Variants in PTPRH observed in about 807,000 individuals in gnomAD.
The protein encoded by PTPRH is receptor-type tyrosine-protein phosphatase H.
Under a neutral mutation model 130.2 loss-of-function variants are expected in PTPRH, and 113 were observed. The observed-to-expected ratio is 0.87, with a 90% CI of 0.75 to 1.01. The LOEUF (loss-of-function observed/expected upper bound fraction) is 1.01. PTPRH is among the 50% of genes least tolerant of loss of function. The pLI, the probability that PTPRH is intolerant of heterozygous loss-of-function variation, is 0.00. For missense variants in PTPRH, 1,430 were observed against 1,425.0 expected (o/e 1.00, Z -0.06); for synonymous variants, 556 against 577.9 (o/e 0.96, Z 0.54).
At chr19:55,191,393 C>CCACAATGCA (rs931321762) in intron 12 of PTPRH, 108 bp downstream of exon 12, 7 of 1,333,226 alleles carry the variant, frequency 5.3e-6, no homozygotes, top group Middle Eastern at 2.6e-4. Flanking sequence ...CTTCTGAGAC[C>CCACAATGCA]TTTGTGGGTA....
intron 12 of PTPRH, among the ~76,000 whole-genome samples, chr19:55,190,902 C>T (rs963038151): frequency 5.3e-5 from 8 of 151,918 alleles, no homozygotes; most frequent in African/African-American, 1.7e-4. Context: ...AGTGCAGTGG[C>T]GTGATCTCAA....
chr19:55,201,922 T>C, intron 6 of PTPRH, 134 bp downstream of exon 6: 1 of 1,369,614 alleles, frequency 7.3e-7, no homozygotes, highest in South Asian at 1.4e-5. Context: ...GAGCTGAGAC[T>C]GCCCCAGGAT....
Position 55,187,562 on chromosome 19 carries a change from A to G in PTPRH, c.2517T>C (p.Ala839=), listed in dbSNP as rs1363718944. The change falls in exon 14 of 20, where the codon GCT becomes GCC. Residue 839 remains alanine (A), a synonymous_variant. Coordinates refer to ENST00000376350, the MANE Select transcript of PTPRH (RefSeq NM_002842.5). The part of the protein sequence containing the change: ...LVGHSQSQMV[A]SASENNAKNR... Reference sequence around the variant, plus strand: ...TCTTGGCGTTGTTCTCTGAAGCCGAAGCCACCATCTGAGACTGGCTGTGGC... The same window carrying G: ...TCTTGGCGTTGTTCTCTGAAGCCGAGGCCACCATCTGAGACTGGCTGTGGC... 1 of 1,613,300 alleles carries G rather than the reference A, an allele frequency of 6.2e-7. No individual in the cohort carries two copies. Among genetic ancestry groups the G allele is most frequent in the Admixed American group, 1.7e-5 (1 of 59,960 alleles).
intron 7 of PTPRH, 69 bp from the exon 8 acceptor site, chr19:55,198,981 G>T: frequency 7.3e-7 from 1 of 1,371,068 alleles, no homozygotes; most frequent in Admixed American, 2.9e-5. Flanking sequence ...ACAGTGATAC[G>T]CCCTGTCCTT....
intron 5 of PTPRH, among the ~76,000 whole-genome samples, chr19:55,203,033 CAA>C (rs75261116): frequency 2.4e-5 from 3 of 122,478 alleles, no homozygotes; most frequent in Admixed American, 8.8e-5. Context: ...GACTCTGTCC[CAA>C]AAAAAAAAAA....
intron 6 of PTPRH, 138 bp downstream of exon 6, chr19:55,201,918 A>G: frequency 3.0e-6 from 4 of 1,348,136 alleles, no homozygotes; most frequent in Non-Finnish European, 4.1e-6. Context: ...TCCTGAGCTG[A>G]GACTGCCCCA....
chr19:55,200,159 C>T (rs956906865), intron 7 of PTPRH, 77 bp downstream of exon 7: 1 of 1,526,648 alleles, frequency 6.6e-7, no homozygotes, highest in African/African-American at 1.4e-5. Flanking sequence ...GAGCCAGAGC[C>T]CAGAAGAGGT....
chr19:55,197,405 C>A lies in PTPRH; in HGVS notation c.1702G>T (p.Val568Phe). 3 of 1,612,116 alleles carry A rather than the reference C, an allele frequency of 1.9e-6. No individual in the cohort carries two copies. Among genetic ancestry groups the A allele is most frequent in the East Asian group, 2.2e-5 (1 of 44,816 alleles). Residue 568 changes from valine to phenylalanine, a missense_variant, in exon 9 of 20, where the codon GTC becomes TTC. Val to Phe is a conservative substitution (Grantham distance 50). Transcript: ENST00000376350. ...TGAGTTTCATTCTGGAGATCTGTGA[C>A]CTCATTGGGAGCTGAGAAGTGAGAA... ...TLTAATAPNE[V>F]TDLQNETQTK...
rs918126034 is a variant in PTPRH at position 55,200,493 on chromosome 19, G to A, written c.1163C>T (p.Pro388Leu). ...AGTCTCCATATGGAGGTTTCTCACT[G>A]GGTTGGGGGCTGAGAAAGTAGGAAG... ...ETRNATTAPNPVRNLHMETQT... is the reference protein window; with the variant it reads ...ETRNATTAPNLVRNLHMETQT... Residue 388 changes from proline to leucine, a missense_variant, in exon 7 of 20, where the codon CCA becomes CTA. By Grantham distance (98) the Pro-to-Leu change is moderately conservative. Transcript: ENST00000376350. 2 of 1,613,978 alleles carry A rather than the reference G, an allele frequency of 1.2e-6. No homozygotes were observed. The highest frequency in any genetic ancestry group is 2.7e-5 in the African/African-American group (2 of 74,928).
chr19:55,184,027 G>A (rs1220192850), intron 18 of PTPRH, among the ~76,000 whole-genome samples: 2 of 152,156 alleles, frequency 1.3e-5, no homozygotes, highest in Non-Finnish European at 2.9e-5. Context: ...GTTCACGCCT[G>A]TAATCCCAGC....
At chr19:55,185,057 C>G (rs554260109) in intron 18 of PTPRH, among the ~76,000 whole-genome samples, 1 of 151,116 alleles carries the variant, frequency 6.6e-6, no homozygotes, top group African/African-American at 2.4e-5. Context: ...TGCAGTGGTG[C>G]GACCTCAGCT....
rs755837998 is a variant in PTPRH, at chr19:55,186,456, G to A, written c.2643+8C>T. Reference sequence around the variant, plus strand: ...TGGGCACCCTTTCAATCCCAACCACGACCTTACGGGCATGAAGCTGGCATT... The same window carrying A: ...TGGGCACCCTTTCAATCCCAACCACAACCTTACGGGCATGAAGCTGGCATT... On this transcript the variant is annotated splice_region_variant and intron_variant, in intron 15 of 19. Transcript: ENST00000376350. The A allele has an allele frequency of 4.3e-6, 7 of 1,612,330 alleles. No homozygotes were observed. Among genetic ancestry groups the A allele is most frequent in the East Asian group, 4.5e-5 (2 of 44,772 alleles).
At chr19:55,188,299 G>A (rs1161390847) in intron 12 of PTPRH, 131 bp from the exon 13 acceptor site, 17 of 681,584 alleles carry the variant, frequency 2.5e-5, no homozygotes, top group Non-Finnish European at 4.5e-5. Flanking sequence ...GATCACCTGA[G>A]GTCAGGAGTT....
chr19:55,196,899 A>G, intron 9 of PTPRH, 111 bp from the exon 10 acceptor site: 1 of 1,361,318 alleles, frequency 7.3e-7, no homozygotes. Flanking sequence ...GCCAAATCCA[A>G]ACTACCTCAT....
intron 4 of PTPRH, 69 bp from the exon 5 acceptor site, chr19:55,204,117 T>C: frequency 6.8e-7 from 1 of 1,462,952 alleles, no homozygotes; most frequent in Non-Finnish European, 9.2e-7. Flanking sequence ...GCCAGTGAGC[T>C]TTTTGTTTGT....
intron 17 of PTPRH, 40 bp downstream of exon 17, chr19:55,185,822 G>C: frequency 6.2e-7 from 1 of 1,613,836 alleles, no homozygotes; most frequent in Non-Finnish European, 8.5e-7. Flanking sequence ...ATATGTCACA[G>C]GGGAAGGCTG....
chr19:55,188,708 G>A (rs531482230), intron 12 of PTPRH, among the ~76,000 whole-genome samples: 1 of 152,142 alleles, frequency 6.6e-6, no homozygotes, highest in African/African-American at 2.4e-5. Context: ...TAATTGCAAA[G>A]GCCACGTTTC....
chr19:55,195,311 G>C (rs1375966028), intron 10 of PTPRH, among the ~76,000 whole-genome samples: 2 of 151,282 alleles, frequency 1.3e-5, no homozygotes, highest in Non-Finnish European at 2.9e-5. Context: ...GGCGACAAGA[G>C]TGAAACTCCG....
intron 1 of PTPRH, among the ~76,000 whole-genome samples, chr19:55,207,613 TG>T (rs755143181): frequency 9.9e-5 from 13 of 130,914 alleles, no homozygotes; most frequent in Admixed American, 6.7e-4. Context: ...GAGGAGGGGC[TG>T]GGGGTCTCGA....
Sources: gnomAD v4.1 joint callset for allele counts (sites outside exome capture counted in the v4.1 genomes callset) on GRCh38, gnomAD v4.1.1 for gene constraint, MANE v1.5 for transcripts, NCBI Gene and HGNC (gene_info 2026-07-23, HGNC 2026-07-21) for gene names.